Variants in SMIM18 observed in about 807,000 individuals in gnomAD.
The protein encoded by SMIM18 is small integral membrane protein 18.
In SMIM18, 4 loss-of-function variants were observed where a neutral mutation model predicts 5.9. The ratio of observed to expected loss-of-function variants is 0.68; its 90% CI spans 0.33 to 1.56. The LOEUF (loss-of-function observed/expected upper bound fraction) is 1.56. Ranked by LOEUF, SMIM18 falls within the 40% of genes most tolerant of loss-of-function variation. SMIM18 has a pLI of 0.06. For synonymous variants in SMIM18, 37 were observed against 37.4 expected (o/e 0.99, Z 0.04); for missense variants, 89 against 109.7 (o/e 0.81, Z 0.84).
At chr8:30,643,221 A>C (rs1801916591) in intron 1 of SMIM18, among the ~76,000 whole-genome samples, 2 of 152,220 alleles carry the variant, frequency 1.3e-5, no homozygotes, top group South Asian at 4.1e-4. Context: ...ATGTTTAAAA[A>C]TAGAGTCCTC....
At position 30,645,155 on chromosome 8, in the gene SMIM18, C is replaced by T. The variant is rs1421786889; in HGVS notation, c.-29-126C>T. 3.6e-6 allele frequency: 3 copies of T among 828,034 alleles called. No individual in the cohort carries two copies. The African/African-American group carries it at 5.2e-5, about 14-fold the overall frequency. The allele number at this position is 828,034 out of a possible 1,614,324, so 51.3% of individuals were successfully genotyped here. On this transcript the variant is annotated intron_variant, in intron 2 of 2. Coordinates refer to ENST00000517349, the MANE Select transcript of SMIM18 (RefSeq NM_001206847.2). ...GATATACAAAAAAATTCAAAACTAC[C>T]ATTTAGGCATTAATTAAGGAAGATT...
chr8:30,638,679 C>T (rs1365009635), intron 1 of SMIM18, 40 bp downstream of exon 1: 1 of 152,560 alleles, frequency 6.6e-6, no homozygotes, highest in East Asian at 1.9e-4. Context: ...GGTACATGTC[C>T]TTATGATGCA....
chr8:30,645,317 C>CCA lies in SMIM18; in HGVS notation c.9_10dup (p.Ser4ThrfsTer47). 3 of 1,534,988 alleles carry CCA rather than the reference C, an allele frequency of 2.0e-6. No homozygotes were observed. The highest frequency in any genetic ancestry group is 2.6e-6 in the Non-Finnish European group (3 of 1,146,692). ...CAAGTGGAATCTCTAAGAATGGCTT[C>CCA]CAGCCACTGGAATGAAACCACTACC... is the stretch of plus-strand genomic sequence containing the variant. On this transcript the variant is annotated frameshift_variant, in exon 3 of 3. Coordinates refer to ENST00000517349, the MANE Select transcript of SMIM18 (RefSeq NM_001206847.2). LOFTEE classifies it high-confidence loss of function.
At chr8:30,641,496 G>A (rs995832274) in intron 1 of SMIM18, among the ~76,000 whole-genome samples, 5 of 152,110 alleles carry the variant, frequency 3.3e-5, no homozygotes, top group African/African-American at 9.7e-5. Context: ...CCAAGTAGCC[G>A]AGACTACAGG....
chr8:30,645,183 T>G, intron 2 of SMIM18, 98 bp from the exon 3 acceptor site: 2 of 1,042,434 alleles, frequency 1.9e-6, no homozygotes. Flanking sequence ...GGAAGATTCA[T>G]GTTGCCTATA....
In SMIM18 at chr8:30,645,961, G is replaced by A. The variant is rs1802060011; in HGVS notation, c.*364G>A. The A allele has an allele frequency of 5.9e-6, 1 of 169,842 alleles. No individual in the cohort carries two copies. The highest frequency in any genetic ancestry group is 1.8e-4 in the South Asian group (1 of 5,464). 10.5% of individuals were successfully genotyped at this position (169,842 alleles called of 1,614,324 possible). On this transcript the variant is annotated 3_prime_UTR_variant, in exon 3 of 3. Coordinates refer to ENST00000517349, the MANE Select transcript of SMIM18 (RefSeq NM_001206847.2). The stretch of plus-strand genomic sequence containing the variant: ...CCAATTCATGTAGACAAAAAATAGT[G>A]TGTTGGTAACAAAAAGGCTATTTAA...
At chr8:30,642,944 T>A (rs1368573941) in intron 1 of SMIM18, among the ~76,000 whole-genome samples, 1 of 152,192 alleles carries the variant, frequency 6.6e-6, no homozygotes, top group African/African-American at 2.4e-5. Flanking sequence ...ACCTCAAAAG[T>A]AGATGAGATA....
intron 1 of SMIM18, among the ~76,000 whole-genome samples, chr8:30,641,684 C>T (rs908732582): frequency 6.6e-6 from 1 of 152,176 alleles, no homozygotes; most frequent in Non-Finnish European, 1.5e-5. Flanking sequence ...CAAGACCACC[C>T]TGGCCAACAT....
At chr8:30,639,366 CCTT>C in intron 1 of SMIM18, among the ~76,000 whole-genome samples, 1 of 152,216 alleles carries the variant, frequency 6.6e-6, no homozygotes, top group South Asian at 2.1e-4. Flanking sequence ...TAAACAAAAA[CCTT>C]CTTAAATAGC....
chr8:30,639,920 G>A (rs1801754349), intron 1 of SMIM18, among the ~76,000 whole-genome samples: 3 of 151,542 alleles, frequency 2.0e-5, no homozygotes, highest in African/African-American at 7.3e-5. Context: ...GAAACCATTT[G>A]TGCTTGCTAC....
chr8:30,643,770 A>C (rs1003788801), intron 1 of SMIM18: 4 of 152,030 alleles, frequency 2.6e-5, no homozygotes, highest in Non-Finnish European at 4.4e-5. Flanking sequence ...TCTAAGTCTT[A>C]ACCCAATTTT....
intron 1 of SMIM18, among the ~76,000 whole-genome samples, chr8:30,643,125 C>A (rs1801910486): frequency 6.6e-6 from 1 of 151,988 alleles, no homozygotes; most frequent in Non-Finnish European, 1.5e-5. Context: ...TTATCAACCC[C>A]AAAGATTTTA....
chr8:30,639,304 A>G (rs1169516739), intron 1 of SMIM18, among the ~76,000 whole-genome samples: 3 of 152,200 alleles, frequency 2.0e-5, no homozygotes, highest in Admixed American at 6.5e-5. Context: ...ACATTTAATT[A>G]AAGTATTTCT....
chr8:30,642,896 G>GT (rs1188804140), intron 1 of SMIM18, among the ~76,000 whole-genome samples: 26 of 152,092 alleles, frequency 1.7e-4, no homozygotes, highest in African/African-American at 6.3e-4. Context: ...TATTTTTGAG[G>GT]TAAGGGGACC....
intron 1 of SMIM18, among the ~76,000 whole-genome samples, chr8:30,639,242 G>C (rs950944763): frequency 6.6e-6 from 1 of 151,986 alleles, no homozygotes; most frequent in Non-Finnish European, 1.5e-5. Flanking sequence ...CACTATATGG[G>C]CTGCATTATA....
chr8:30,640,179 A>C (rs1801763613), intron 1 of SMIM18, among the ~76,000 whole-genome samples: 1 of 152,194 alleles, frequency 6.6e-6, no homozygotes, highest in South Asian at 2.1e-4. Context: ...AGCTTAAATT[A>C]AGTGAGTTGC....
In SMIM18 at chr8:30,645,910, T is replaced by A; in HGVS notation, c.*313T>A. On this transcript the variant is annotated 3_prime_UTR_variant, in exon 3 of 3. Transcript: ENST00000517349. Reference sequence around the variant, plus strand: ...AGCTGGAAAAGACAAGCAAGGCTAATGATGCTAAAATGATTTTATAACTAA... The same window carrying A: ...AGCTGGAAAAGACAAGCAAGGCTAAAGATGCTAAAATGATTTTATAACTAA... The A allele has an allele frequency of 4.3e-6, 1 of 232,804 alleles. No individual in the cohort carries two copies. The highest frequency in any genetic ancestry group is 8.4e-6 in the Non-Finnish European group (1 of 119,572). The allele number at this position is 232,804 out of a possible 1,614,324, so 14.4% of individuals were successfully genotyped here.
At chr8:30,643,023 A>G (rs1801906587) in intron 1 of SMIM18, among the ~76,000 whole-genome samples, 2 of 152,306 alleles carry the variant, frequency 1.3e-5, no homozygotes, top group South Asian at 2.1e-4. Flanking sequence ...TTTTCCTTCA[A>G]AATGCAGGAA....
chr8:30,642,450 T>C (rs1045658412), intron 1 of SMIM18, among the ~76,000 whole-genome samples: 1 of 152,222 alleles, frequency 6.6e-6, no homozygotes, highest in Non-Finnish European at 1.5e-5. Context: ...TTTTTATTTC[T>C]CTTTTTAAAA....
Sources: allele counts gnomAD v4.1 joint callset (sites outside exome capture counted in the v4.1 genomes callset), GRCh38; gene constraint gnomAD v4.1.1; transcripts MANE v1.5; gene names NCBI Gene and HGNC (gene_info 2026-07-23, HGNC 2026-07-21).